SYNE2: variants seen among roughly 807,000 people sequenced by gnomAD.
The protein encoded by SYNE2 is spectrin repeat containing nuclear envelope protein 2.
SYNE2 carries 431 observed loss-of-function variants against 856.3 expected under a neutral mutation model. The ratio of observed to expected loss-of-function variants is 0.50; its 90% CI spans 0.47 to 0.55. SYNE2 has a LOEUF of 0.55. SYNE2 is among the 20% of genes least tolerant of loss of function. The probability of loss-of-function intolerance (pLI) is 0.00; values close to 1 mark genes in which losing one functional copy is unlikely to be tolerated. For synonymous variants in SYNE2, 2,923 were observed against 2,872.3 expected (o/e 1.02, Z -0.56); for missense variants, 8,129 against 8,023.2 (o/e 1.01, Z -0.50).
chr14:64,176,062 T>C (rs1056775784), intron 95 of SYNE2, among the ~76,000 whole-genome samples: 1 of 152,228 alleles, frequency 6.6e-6, no homozygotes, highest in African/African-American at 2.4e-5. Flanking sequence ...GCTACACAAG[T>C]GGCCTCCCTT....
chr14:63,873,118 C>T (rs1244771138), intron 1 of SYNE2, among the ~76,000 whole-genome samples: 1 of 152,142 alleles, frequency 6.6e-6, no homozygotes, highest in African/African-American at 2.4e-5. Flanking sequence ...GCACATAAAC[C>T]ACATAATGAC....
At chr14:64,179,267 G>A (rs575419684) in intron 96 of SYNE2, among the ~76,000 whole-genome samples, 31 of 152,232 alleles carry the variant, frequency 2.0e-4, no homozygotes, top group Admixed American at 1.7e-3. Context: ...CTCCCAAGTA[G>A]CTGGGATTAC....
intron 96 of SYNE2, among the ~76,000 whole-genome samples, chr14:64,183,751 C>T (rs1219858167): frequency 1.3e-5 from 2 of 151,972 alleles, no homozygotes; most frequent in African/African-American, 4.8e-5. Context: ...CCGTCTCCAC[C>T]AAAAAAATAC....
intron 1 of SYNE2, among the ~76,000 whole-genome samples, chr14:63,879,787 A>G (rs1002025642): frequency 6.6e-6 from 1 of 152,256 alleles, no homozygotes; most frequent in Non-Finnish European, 1.5e-5. Flanking sequence ...CCGCAAGATT[A>G]AATTCTTCAA....
In SYNE2 at chr14:64,167,298, G is replaced by C. The variant is rs777646941; in HGVS notation, c.16671G>C (p.Lys5557Asn). 3.8e-5 allele frequency: 62 copies of C among 1,614,090 alleles called. No homozygotes were observed. Among genetic ancestry groups the C allele is most frequent in the Middle Eastern group, 1.6e-4 (1 of 6,084 alleles). ...DIEHLNEVSL[K>N]LPLSDVAVKT... is the part of the protein sequence containing the mutation. Reference sequence around the variant, plus strand: ...AACATTTGAATGAAGTGAGCCTCAAGCTCCCACTTAGTGACGTAGCTGTGA... The same window carrying C: ...AACATTTGAATGAAGTGAGCCTCAACCTCCCACTTAGTGACGTAGCTGTGA... Residue 5557 changes from lysine to asparagine, a missense_variant, in exon 91 of 116, where the codon AAG becomes AAC. By Grantham distance (94) the Lys-to-Asn change is moderately conservative (BLOSUM62 0). Transcript: ENST00000555002.
At position 64,190,161 on chromosome 14, in the gene SYNE2, A is replaced by C. The variant is rs1373789587; in HGVS notation, c.17962A>C (p.Arg5988=). Residue 5988 remains arginine (R), a synonymous_variant, in exon 99 of 116, where the codon AGA becomes CGA. Transcript: ENST00000555002. ...GTTGATCAAGGCCAGCAACAAATCAAGAGCAGCTGAGATCGATGACAAGCT... is the reference window on the plus strand; with the variant it reads ...GTTGATCAAGGCCAGCAACAAATCACGAGCAGCTGAGATCGATGACAAGCT... The part of the protein sequence containing the change: ...DQLIKASNKS[R]AAEIDDKLNK... The C allele has an allele frequency of 6.2e-7, 1 of 1,614,152 alleles. No homozygotes were observed. The highest frequency in any genetic ancestry group is 1.3e-5 in the African/African-American group (1 of 75,036).
rs1257210357 is a variant in SYNE2 at position 64,168,957 on chromosome 14, A to G, written c.16986A>G (p.Thr5662=). 6.2e-7 allele frequency: 1 copy of G among 1,613,578 alleles called. No individual in the cohort carries two copies. Among genetic ancestry groups the G allele is most frequent in the East Asian group, 2.2e-5 (1 of 44,894 alleles). The change falls in exon 93 of 116, where the codon ACA becomes ACG. Residue 5662 remains threonine (T), a synonymous_variant. Transcript: ENST00000555002. Reference sequence around the variant, plus strand: ...AGTCCTTACAACTCCTGGACACAACAGAAATAGAGAACAGGTGAGCTGTCT... The same window carrying G: ...AGTCCTTACAACTCCTGGACACAACGGAAATAGAGAACAGGTGAGCTGTCT... The part of the protein sequence containing the change: ...VTQSLQLLDT[T]EIENRPEFIT...
intron 58 of SYNE2, among the ~76,000 whole-genome samples, chr14:64,088,957 C>T (rs1041706811): frequency 6.6e-6 from 1 of 151,940 alleles, no homozygotes; most frequent in Non-Finnish European, 1.5e-5. Context: ...TTCTATATAC[C>T]TTCTTAAATA....
intron 2 of SYNE2, among the ~76,000 whole-genome samples, chr14:63,936,308 TGA>T (rs2095832726): frequency 1.3e-5 from 2 of 151,898 alleles, no homozygotes; most frequent in South Asian, 4.1e-4. Flanking sequence ...GAGAGGAGAG[TGA>T]GACATTAACA....
intron 32 of SYNE2, among the ~76,000 whole-genome samples, 165 bp downstream of exon 32, chr14:64,010,281 G>C (rs1018751159): frequency 4.6e-5 from 7 of 152,146 alleles, no homozygotes; most frequent in African/African-American, 1.4e-4. Flanking sequence ...CATCACCAGG[G>C]CTGGAAAAAA....
At chr14:63,981,364 A>ACT (rs2096584383) in intron 16 of SYNE2, among the ~76,000 whole-genome samples, 191 bp downstream of exon 16, 1 of 151,972 alleles carries the variant, frequency 6.6e-6, no homozygotes, top group Non-Finnish European at 1.5e-5. Flanking sequence ...CCACTGGTTT[A>ACT]TATATACATG....
chr14:64,180,911 A>G (rs566525358), intron 96 of SYNE2, among the ~76,000 whole-genome samples: 2 of 152,266 alleles, frequency 1.3e-5, no homozygotes, highest in East Asian at 1.9e-4. Context: ...TTCTAATTAT[A>G]TTTCCTAACT....
At chr14:63,785,742 C>CT (rs1012919935) in intron 1 of SYNE2, among the ~76,000 whole-genome samples, 7 of 152,092 alleles carry the variant, frequency 4.6e-5, no homozygotes, top group Non-Finnish European at 1.0e-4. Flanking sequence ...TTTAGTGAAG[C>CT]TTTTTTTAAA....
chr14:63,828,412 G>A (rs899003830), intron 1 of SYNE2, among the ~76,000 whole-genome samples: 56 of 152,188 alleles, frequency 3.7e-4, no homozygotes, highest in African/African-American at 1.3e-3. Context: ...GGCTGAGGCG[G>A]GTGGATCACC....
At chr14:64,085,987 C>T (rs1037794542) in intron 57 of SYNE2, among the ~76,000 whole-genome samples, 2 of 152,154 alleles carry the variant, frequency 1.3e-5, no homozygotes, top group African/African-American at 4.8e-5. Flanking sequence ...CACTGTCTTT[C>T]AGAGAGCAAA....
chr14:63,991,879 GC>G (rs1566990101), intron 21 of SYNE2, among the ~76,000 whole-genome samples: 1 of 152,084 alleles, frequency 6.6e-6, no homozygotes, highest in African/African-American at 2.4e-5. Context: ...CCATTCCTGC[GC>G]CTACTCTTTA....
intron 85 of SYNE2, among the ~76,000 whole-genome samples, chr14:64,157,379 A>G (rs1385050355): frequency 1.3e-5 from 2 of 152,238 alleles, no homozygotes; most frequent in African/African-American, 2.4e-5. Flanking sequence ...TTCACTAAGC[A>G]TAATGTTTTC....
chr14:63,872,800 T>G (rs1055580810), intron 1 of SYNE2, among the ~76,000 whole-genome samples: 8 of 150,294 alleles, frequency 5.3e-5, no homozygotes, highest in Admixed American at 5.3e-4. Context: ...GTAATTAATA[T>G]TACAGTTTTA....
At chr14:63,999,084 G>A in intron 27 of SYNE2, 44 bp downstream of exon 27, 1 of 1,586,352 alleles carries the variant, frequency 6.3e-7, no homozygotes, top group Non-Finnish European at 8.6e-7. Flanking sequence ...TTGTTTATTA[G>A]AAAATAGTAC....
Sources: allele counts gnomAD v4.1 joint callset (sites outside exome capture counted in the v4.1 genomes callset), GRCh38; gene constraint gnomAD v4.1.1; transcripts MANE v1.5; gene names NCBI Gene and HGNC (gene_info 2026-07-23, HGNC 2026-07-21).